The following NFX1 variants were observed in gnomAD, a reference collection of about 807,000 sequenced individuals.
The protein encoded by NFX1 is nuclear transcription factor, X-box binding 1.
A neutral mutation model predicts 137.2 loss-of-function variants in NFX1; 69 were observed. The observed-to-expected ratio is 0.50, with a 90% confidence interval of 0.41 to 0.61. NFX1 has a LOEUF of 0.61. Among genes scored for constraint, NFX1 ranks in the 20% least tolerant of loss-of-function variants. NFX1 has a pLI of 0.00. For missense variants in NFX1, 1,167 were observed against 1,391.0 expected (o/e 0.84, Z 2.56); for synonymous variants, 495 against 474.1 (o/e 1.04, Z -0.57).
At chr9:33,358,647 ATTTTTTTTTTTTTTTTTT>A (rs61589629) in intron 19 of NFX1, among the ~76,000 whole-genome samples, 4 of 48,430 alleles carry the variant, frequency 8.3e-5, no homozygotes, top group South Asian at 1.1e-3. Context: ...GAATGGCTTG[ATTTTTTTTTTTTTTTTTT>A]TTTTTTTTTT....
chr9:33,318,698 C>T (rs1822265852), intron 7 of NFX1, 33 bp from the exon 8 acceptor site: 6 of 1,579,126 alleles, frequency 3.8e-6, no homozygotes, highest in Admixed American at 1.7e-5. Flanking sequence ...ATACATGTTA[C>T]TAACGTTTTG....
chr9:33,364,593 T>C (rs968916545), intron 20 of NFX1, 115 bp from the exon 21 acceptor site: 1 of 1,188,434 alleles, frequency 8.4e-7, no homozygotes, highest in South Asian at 1.6e-5. Context: ...TCCTGATCTC[T>C]GCAGTTTTAC....
intron 21 of NFX1, 195 bp downstream of exon 21, chr9:33,364,969 G>A: frequency 7.2e-7 from 1 of 1,393,472 alleles, no homozygotes. Flanking sequence ...CAGGACAGTT[G>A]ACTGCAGAAA....
chr9:33,325,179 C>A (rs1489049872), intron 9 of NFX1, among the ~76,000 whole-genome samples: 3 of 151,928 alleles, frequency 2.0e-5, no homozygotes, highest in Admixed American at 2.0e-4. Flanking sequence ...GAAAGAGATC[C>A]ACATCTAGAC....
chr9:33,354,035 G>A (rs753642287), intron 17 of NFX1, 51 bp from the exon 18 acceptor site: 6 of 1,517,266 alleles, frequency 4.0e-6, no homozygotes, highest in Non-Finnish European at 5.4e-6. Context: ...GTATAAGGAG[G>A]TTCTTGTGAA....
Position 33,351,805 on chromosome 9 carries a change from C to G in NFX1, c.2655+15C>G, listed in dbSNP as rs745667689. 1 of 1,551,560 alleles carries G rather than the reference C, an allele frequency of 6.4e-7. No individual in the cohort carries two copies. Among genetic ancestry groups the G allele is most frequent in the African/African-American group, 1.4e-5 (1 of 73,532 alleles). ...GTAAAGCTAAGGTGGGTATTTCTGG[C>G]CACAGATGCAGCATTGACTGTAGTT... On this transcript the variant is annotated intron_variant, in intron 16 of 23. Transcript: ENST00000379540.
In NFX1 at chr9:33,295,013, A is replaced by C; in HGVS notation, c.619A>C (p.Ser207Arg). Residue 207 changes from serine to arginine, a missense_variant, in exon 2 of 24, where the codon AGT (serine) becomes CGT (arginine). Ser to Arg is a moderately radical substitution (Grantham distance 110). Transcript: ENST00000379540. ...TPKPEDAGPESTKPVGVFHPD... is the reference protein window; with the variant it reads ...TPKPEDAGPERTKPVGVFHPD... ...AAAACCGGAGGATGCTGGACCCGAAAGTACCAAACCTGTGGGGGTTTTCCA... is the reference window on the plus strand; with the variant it reads ...AAAACCGGAGGATGCTGGACCCGAACGTACCAAACCTGTGGGGGTTTTCCA... 1 of 1,614,218 alleles carries C rather than the reference A, an allele frequency of 6.2e-7. No individual in the cohort carries two copies. Among genetic ancestry groups the C allele is most frequent in the East Asian group, 2.2e-5 (1 of 44,894 alleles).
chr9:33,301,155 G>GTGTTTGGAT, intron 2 of NFX1, 108 bp from the exon 3 acceptor site: 2 of 1,024,796 alleles, frequency 2.0e-6, no homozygotes, highest in Non-Finnish European at 2.8e-6. Flanking sequence ...TAAAATCTCT[G>GTGTTTGGAT]TGTTTGGATT....
chr9:33,333,382 A>C (rs2118505102), intron 11 of NFX1, among the ~76,000 whole-genome samples: 1 of 152,260 alleles, frequency 6.6e-6, no homozygotes, highest in Admixed American at 6.5e-5. Context: ...AACAAGTCCG[A>C]GATTGGTTAA....
At chr9:33,306,791 C>T (rs1337062314) in intron 4 of NFX1, among the ~76,000 whole-genome samples, 1 of 152,136 alleles carries the variant, frequency 6.6e-6, no homozygotes, top group East Asian at 1.9e-4. Context: ...CTTACTGCCT[C>T]CCCCCTTTCC....
intron 5 of NFX1, among the ~76,000 whole-genome samples, chr9:33,310,740 C>A (rs1821933144): frequency 6.6e-6 from 1 of 152,100 alleles, no homozygotes; most frequent in Non-Finnish European, 1.5e-5. Context: ...TCTACAGGAC[C>A]CTATTAGCCA....
chr9:33,349,861 T>A (rs919232218), intron 15 of NFX1, among the ~76,000 whole-genome samples: 2 of 151,952 alleles, frequency 1.3e-5, no homozygotes, highest in African/African-American at 4.8e-5. Context: ...ATACAAAAAT[T>A]AGCTGGGTTT....
intron 5 of NFX1, 108 bp from the exon 6 acceptor site, chr9:33,310,998 A>T: frequency 3.5e-6 from 3 of 867,118 alleles, no homozygotes; most frequent in Non-Finnish European, 5.7e-6. Flanking sequence ...AAGACATGTC[A>T]TAGTAGATGT....
chr9:33,359,203 A>G (rs1165424171), intron 19 of NFX1, among the ~76,000 whole-genome samples: 1 of 150,648 alleles, frequency 6.6e-6, no homozygotes, highest in Non-Finnish European at 1.5e-5. Flanking sequence ...TTTTTCTTTT[A>G]TCTTTTTTCC....
At chr9:33,333,660 G>A (rs762623475) in intron 11 of NFX1, among the ~76,000 whole-genome samples, 1 of 152,186 alleles carries the variant, frequency 6.6e-6, no homozygotes, top group African/African-American at 2.4e-5. Flanking sequence ...GTGGGTAAAG[G>A]TACACAACAT....
At chr9:33,324,581 C>A (rs141600641) in intron 9 of NFX1, among the ~76,000 whole-genome samples, 1 of 151,962 alleles carries the variant, frequency 6.6e-6, no homozygotes, top group Admixed American at 6.6e-5. Flanking sequence ...TAAAGGGGCT[C>A]AATAGTAGAT....
chr9:33,367,486 T>C (rs770171072), intron 22 of NFX1, 29 bp from the exon 23 acceptor site: 1 of 1,608,690 alleles, frequency 6.2e-7, no homozygotes, highest in Non-Finnish European at 8.5e-7. Flanking sequence ...TTCTCACTTT[T>C]CAATGCTTGG....
Position 33,316,667 on chromosome 9 carries a change from T to A in NFX1, c.1589-2064T>A, listed in dbSNP as rs146536904. Among the ~76,000 whole-genome samples the A allele has an allele frequency of 4.6e-5, 7 of 152,334 alleles. No homozygotes were observed. The East Asian group carries it at 1.3e-3, about 29-fold the overall frequency. On this transcript the variant is annotated intron_variant, in intron 7 of 23. Coordinates refer to ENST00000379540, the MANE Select transcript of NFX1 (RefSeq NM_002504.6). ...GATCCCTTTCAGCCTTATCTAGAGA[T>A]TAATAAGCATTCTTTTTGGGTCTTT...
intron 9 of NFX1, among the ~76,000 whole-genome samples, chr9:33,327,219 C>G (rs1822626815): frequency 6.6e-6 from 1 of 152,194 alleles, no homozygotes; most frequent in South Asian, 2.1e-4. Context: ...GAGGTGGAAT[C>G]TCACTCTATT....
Sources: allele counts gnomAD v4.1 joint callset (sites outside exome capture counted in the v4.1 genomes callset), GRCh38; gene constraint gnomAD v4.1.1; transcripts MANE v1.5; gene names NCBI Gene and HGNC (gene_info 2026-07-23, HGNC 2026-07-21).